TTC7B: variants seen among roughly 807,000 people sequenced by gnomAD.
The protein encoded by TTC7B is tetratricopeptide repeat domain 7B.
In TTC7B, 28 loss-of-function variants were observed where a neutral mutation model predicts 106.8. The observed-to-expected ratio is 0.26, with a 90% CI of 0.19 to 0.36. The LOEUF (loss-of-function observed/expected upper bound fraction) is 0.36, where lower values mean the gene tolerates loss of function less well. Ranked by LOEUF, TTC7B falls within the 10% of genes least tolerant of loss-of-function variation. TTC7B has a pLI of 1.00. For synonymous variants in TTC7B, 405 were observed against 430.6 expected, an observed-to-expected ratio of 0.94 and a Z score of 0.74; for missense variants, 862 against 1,076.4, an observed-to-expected ratio of 0.80 and a Z score of 2.79.
In TTC7B at chr14:90,577,767, A is replaced by C. The variant is rs941940975; in HGVS notation, c.2310+339T>G. Among the ~76,000 whole-genome samples the C allele has an allele frequency of 1.3e-5, 2 of 152,238 alleles. No homozygotes were observed. Among genetic ancestry groups the C allele is most frequent in the Non-Finnish European group, 2.9e-5 (2 of 68,034 alleles). ...CGAAGGTGGCTACTGCAAGCAGCAC[A>C]GAGGCTGAGATGACAGTGACAATGC... is the stretch of plus-strand genomic sequence containing the variant. On this transcript the variant is annotated intron_variant, in intron 19 of 19. Transcript: ENST00000328459. The surrounding 1 kb of genome is among the most constrained non-coding windows in gnomAD (Gnocchi z 5.0).
chr14:90,648,195 C>T (rs866172748), intron 13 of TTC7B, among the ~76,000 whole-genome samples: 1 of 152,106 alleles, frequency 6.6e-6, no homozygotes, highest in Non-Finnish European at 1.5e-5. Context: ...TAATCTCTGT[C>T]CTTATATTAA....
intron 4 of TTC7B, 62 bp downstream of exon 4, chr14:90,744,724 ATCTCAG>A (rs1889893433): frequency 2.0e-6 from 3 of 1,531,046 alleles, no homozygotes; most frequent in Non-Finnish European, 2.7e-6. Context: ...CTAGAGATTA[ATCTCAG>A]TTGTCCACTA....
chr14:90,586,655 A>C (rs1352760112), intron 18 of TTC7B, among the ~76,000 whole-genome samples: 2 of 152,200 alleles, frequency 1.3e-5, no homozygotes, highest in African/African-American at 4.8e-5. Flanking sequence ...AGGCCGTCTT[A>C]GCACCTATCT....
chr14:90,545,408 C>T (rs1355635104), intron 19 of TTC7B, among the ~76,000 whole-genome samples: 3 of 152,234 alleles, frequency 2.0e-5, no homozygotes, highest in Admixed American at 2.0e-4. Flanking sequence ...GAAATTGCTC[C>T]TCTCCAAGGC....
chr14:90,762,503 A>G (rs1890533507), intron 3 of TTC7B, among the ~76,000 whole-genome samples: 1 of 152,248 alleles, frequency 6.6e-6, no homozygotes, highest in Non-Finnish European at 1.5e-5. Flanking sequence ...TTTCTTGCTT[A>G]AAAACTTAAT....
intron 11 of TTC7B, among the ~76,000 whole-genome samples, chr14:90,655,550 C>T (rs1206037763): frequency 6.6e-6 from 1 of 152,180 alleles, no homozygotes; most frequent in Non-Finnish European, 1.5e-5. Context: ...CTTGGATTCT[C>T]TTTGCCATGA....
intron 18 of TTC7B, among the ~76,000 whole-genome samples, chr14:90,580,110 C>G (rs1177772419): frequency 6.6e-6 from 1 of 152,204 alleles, no homozygotes; most frequent in Non-Finnish European, 1.5e-5. Context: ...ATTTTCTGCA[C>G]CCACCGGAAT....
intron 19 of TTC7B, among the ~76,000 whole-genome samples, chr14:90,557,355 T>G (rs1890361980): frequency 1.3e-5 from 2 of 152,218 alleles, no homozygotes; most frequent in Non-Finnish European, 2.9e-5. Context: ...CTGTGTGACC[T>G]CCATCAACTG....
intron 19 of TTC7B, among the ~76,000 whole-genome samples, chr14:90,541,980 T>C (rs184530521): frequency 3.9e-4 from 60 of 152,242 alleles, no homozygotes; most frequent in African/African-American, 1.0e-3. Flanking sequence ...CGCTCTGTCA[T>C]CCAGGCTGGA....
Position 90,526,282 on chromosome 14 carries a change from T to C in TTC7B, c.*15086A>G, listed in dbSNP as rs1889149493. 1 of 152,226 alleles carries C rather than the reference T, an allele frequency of 6.6e-6. No individual in the cohort carries two copies. The highest frequency in any genetic ancestry group is 6.5e-5 in the Admixed American group (1 of 15,286). 9.4% of individuals were successfully genotyped at this position (152,226 alleles called of 1,614,324 possible). ...CTTGCATTTCCCTAGTGAGTAATGA[T>C]GTTGAACATTTCTTCATGTGCTTGT... On this transcript the variant is annotated 3_prime_UTR_variant, in exon 20 of 20. Transcript: ENST00000328459.
chr14:90,651,033 C>CA (rs1877786216), intron 13 of TTC7B, among the ~76,000 whole-genome samples: 1 of 151,948 alleles, frequency 6.6e-6, no homozygotes, highest in Non-Finnish European at 1.5e-5. Context: ...TCTTTTTAAA[C>CA]AAAAAATGCA....
Position 90,526,074 on chromosome 14 carries a change from T to A in TTC7B, c.*15294A>T, listed in dbSNP as rs1468707380. 2.0e-5 allele frequency: 3 copies of A among 152,206 alleles called. No homozygotes were observed. Among genetic ancestry groups the A allele is most frequent in the Non-Finnish European group, 4.4e-5 (3 of 68,042 alleles). 9.4% of individuals were successfully genotyped at this position (152,206 alleles called of 1,614,324 possible). On this transcript the variant is annotated 3_prime_UTR_variant, in exon 20 of 20. Coordinates refer to ENST00000328459, the MANE Select transcript of TTC7B (RefSeq NM_001010854.2). Reference sequence around the variant, plus strand: ...ACTAAGAGAGGAATTCCTGGATAATTCTATGTCTAACTTTTTAAGAAACTG... The same window carrying A: ...ACTAAGAGAGGAATTCCTGGATAATACTATGTCTAACTTTTTAAGAAACTG...
At chr14:90,685,578 C>T (rs1394612103) in intron 7 of TTC7B, among the ~76,000 whole-genome samples, 1 of 151,062 alleles carries the variant, frequency 6.6e-6, no homozygotes, top group Non-Finnish European at 1.5e-5. Flanking sequence ...AAAAGATCAA[C>T]AAAATTGACA....
At chr14:90,563,785 A>C (rs1890682663) in intron 19 of TTC7B, among the ~76,000 whole-genome samples, 1 of 152,216 alleles carries the variant, frequency 6.6e-6, no homozygotes, top group African/African-American at 2.4e-5. Flanking sequence ...CAATGTTCAC[A>C]ATGTCTTCAC....
At chr14:90,799,825 GT>G (rs934608886) in intron 1 of TTC7B, among the ~76,000 whole-genome samples, 2 of 151,836 alleles carry the variant, frequency 1.3e-5, no homozygotes, top group Non-Finnish European at 2.9e-5. Flanking sequence ...TCTGATTTAA[GT>G]TTTTTTTGTT....
At chr14:90,705,776 C>A (rs1402088926) in intron 5 of TTC7B, among the ~76,000 whole-genome samples, 1 of 152,156 alleles carries the variant, frequency 6.6e-6, no homozygotes, top group Non-Finnish European at 1.5e-5. Context: ...TACCCTATAG[C>A]CTTGTCCACT....
At chr14:90,715,444 C>T (rs1349520514) in intron 5 of TTC7B, among the ~76,000 whole-genome samples, 1 of 148,446 alleles carries the variant, frequency 6.7e-6, no homozygotes, top group East Asian at 1.9e-4. Flanking sequence ...GAGCTGGAAA[C>T]CCTCTACTCT....
intron 9 of TTC7B, among the ~76,000 whole-genome samples, chr14:90,673,559 C>G (rs887563145): frequency 1.3e-5 from 2 of 152,168 alleles, no homozygotes; most frequent in African/African-American, 4.8e-5. Flanking sequence ...TATAACATAT[C>G]TCTAAGACAA....
At chr14:90,766,403 T>C (rs1172654863) in intron 3 of TTC7B, 2 of 507,920 alleles carry the variant, frequency 3.9e-6, no homozygotes, top group East Asian at 3.6e-5. Flanking sequence ...TAAAGGAAGA[T>C]GTGGTGAAAG....
Sources: allele counts gnomAD v4.1 joint callset (sites outside exome capture counted in the v4.1 genomes callset), GRCh38; gene constraint gnomAD v4.1.1; non-coding constraint Gnocchi (gnomAD v3.1); transcripts MANE v1.5; gene names NCBI Gene and HGNC (gene_info 2026-07-23, HGNC 2026-07-21).